TMEM132C: variants seen among roughly 807,000 people sequenced by gnomAD.
TMEM132C encodes transmembrane protein 132C.
A neutral mutation model predicts 61.4 loss-of-function variants in TMEM132C; 29 were observed. The observed-to-expected ratio is 0.47, with a 90% CI of 0.35 to 0.64. The LOEUF is 0.64. TMEM132C is among the 30% of genes least tolerant of loss of function. The pLI is 0.00. For missense variants in TMEM132C, 1,408 were observed against 1,476.9 expected, an observed-to-expected ratio of 0.95 and a Z score of 0.76; for synonymous variants, 656 against 633.1, an observed-to-expected ratio of 1.04 and a Z score of -0.54.
intron 1 of TMEM132C, among the ~76,000 whole-genome samples, chr12:128,290,012 C>T (rs955090960): frequency 7.2e-5 from 11 of 152,100 alleles, no homozygotes; most frequent in African/African-American, 4.8e-5. Flanking sequence ...CTCTGGATTG[C>T]GTGCCCTATC....
chr12:128,302,072 A>G (rs556709234), intron 1 of TMEM132C, among the ~76,000 whole-genome samples: 76 of 152,310 alleles, frequency 5.0e-4, no homozygotes, highest in African/African-American at 1.8e-3. Flanking sequence ...TATGGGAGCT[A>G]CAATTCAAGA....
At chr12:128,393,861 G>A (rs75742930) in intron 1 of TMEM132C, among the ~76,000 whole-genome samples, 2,612 of 152,356 alleles carry the variant, frequency 0.017, 77 homozygotes, top group African/African-American at 0.059. Context: ...CTTTTAAGGT[G>A]CTATCCTTGA....
chr12:128,676,540 T>G (rs994783582), intron 5 of TMEM132C, among the ~76,000 whole-genome samples: 12 of 152,234 alleles, frequency 7.9e-5, no homozygotes, highest in African/African-American at 2.4e-4. Context: ...AGAGAATCAT[T>G]GTAAACATTT....
chr12:128,597,217 C>T (rs554733459), intron 3 of TMEM132C, among the ~76,000 whole-genome samples: 3 of 152,252 alleles, frequency 2.0e-5, no homozygotes, highest in Admixed American at 2.0e-4. Context: ...CAGTGGGTCA[C>T]GTCTGTAATC....
At chr12:128,462,348 C>G (rs1870561236) in intron 2 of TMEM132C, among the ~76,000 whole-genome samples, 1 of 152,142 alleles carries the variant, frequency 6.6e-6, no homozygotes, top group African/African-American at 2.4e-5. Context: ...CTCAGGGGAT[C>G]CGCTGGCCTC....
At chr12:128,468,045 G>A (rs988056355) in intron 2 of TMEM132C, among the ~76,000 whole-genome samples, 1 of 152,216 alleles carries the variant, frequency 6.6e-6, no homozygotes, top group Non-Finnish European at 1.5e-5. Flanking sequence ...ACCATAGGGA[G>A]TAGAGGGCAG....
intron 2 of TMEM132C, among the ~76,000 whole-genome samples, chr12:128,430,214 A>G (rs1164911227): frequency 6.6e-6 from 1 of 152,200 alleles, no homozygotes; most frequent in African/African-American, 2.4e-5. Flanking sequence ...TTCGCTTCGT[A>G]TGACACAGTG....
At chr12:128,419,575 GTTTTTTTT>G (rs72349303) in intron 2 of TMEM132C, among the ~76,000 whole-genome samples, 2 of 136,196 alleles carry the variant, frequency 1.5e-5, no homozygotes, top group African/African-American at 5.6e-5. Flanking sequence ...TACTAATCTT[GTTTTTTTT>G]TTTTTTTTGG....
intron 1 of TMEM132C, among the ~76,000 whole-genome samples, chr12:128,373,668 G>C (rs1045382390): frequency 1.3e-5 from 2 of 152,204 alleles, no homozygotes; most frequent in African/African-American, 4.8e-5. Flanking sequence ...ATCTCATGTT[G>C]TTGACTGCTA....
chr12:128,547,406 A>AG (rs1432321494), intron 3 of TMEM132C, among the ~76,000 whole-genome samples: 3 of 151,092 alleles, frequency 2.0e-5, no homozygotes, highest in African/African-American at 7.3e-5. Flanking sequence ...ATACAAAAAA[A>AG]AAAAAAAATT....
At chr12:128,511,992 C>T (rs1872579111) in intron 2 of TMEM132C, among the ~76,000 whole-genome samples, 2 of 152,206 alleles carry the variant, frequency 1.3e-5, no homozygotes, top group South Asian at 4.1e-4. Flanking sequence ...TGGCCTGACA[C>T]TCCCAAGGGC....
chr12:128,506,122 C>G (rs1872349881), intron 2 of TMEM132C, among the ~76,000 whole-genome samples: 2 of 152,198 alleles, frequency 1.3e-5, no homozygotes, highest in Non-Finnish European at 2.9e-5. Flanking sequence ...AGGACCCAAC[C>G]TCGCCGTCAT....
chr12:128,622,360 A>AAAAATATAT (rs1277080166), intron 4 of TMEM132C, among the ~76,000 whole-genome samples: 18 of 30,112 alleles, frequency 6.0e-4, no homozygotes, highest in African/African-American at 2.3e-3. Context: ...AAAAAAAAAA[A>AAAAATATAT]ATATATATAT....
intron 2 of TMEM132C, among the ~76,000 whole-genome samples, chr12:128,487,603 G>GTATATATATA (rs35552118): frequency 1.1e-3 from 152 of 136,640 alleles, no homozygotes; most frequent in Middle Eastern, 7.6e-3. Flanking sequence ...GTGTGTGTGG[G>GTATATATATA]TATATATATA....
At chr12:128,330,927 T>G (rs113260773) in intron 1 of TMEM132C, among the ~76,000 whole-genome samples, 1 of 152,130 alleles carries the variant, frequency 6.6e-6, no homozygotes, top group South Asian at 2.1e-4. Context: ...AAAGAGAGAA[T>G]AGCATAGTGA....
intron 2 of TMEM132C, among the ~76,000 whole-genome samples, chr12:128,469,634 G>GT (rs930600383): frequency 6.8e-6 from 1 of 146,988 alleles, no homozygotes. Context: ...CTTTGTGTGT[G>GT]TGTGTTTGTG....
intron 2 of TMEM132C, among the ~76,000 whole-genome samples, chr12:128,430,755 T>A (rs1174099714): frequency 1.3e-5 from 2 of 152,196 alleles, no homozygotes; most frequent in Non-Finnish European, 2.9e-5. Flanking sequence ...ATAGGTGATC[T>A]GTGATGTTAC....
chr12:128,521,612 T>A (rs544363214), intron 2 of TMEM132C, among the ~76,000 whole-genome samples: 1 of 152,244 alleles, frequency 6.6e-6, no homozygotes, highest in East Asian at 1.9e-4. Flanking sequence ...AGATGCTAAA[T>A]GTTAGAGACA....
intron 2 of TMEM132C, among the ~76,000 whole-genome samples, chr12:128,503,111 G>A (rs1228580008): frequency 6.6e-6 from 1 of 152,148 alleles, no homozygotes; most frequent in Non-Finnish European, 1.5e-5. Flanking sequence ...AACTCTCAAG[G>A]CCTTACTTTC....
Sources: gnomAD v4.1 joint callset for allele counts (sites outside exome capture counted in the v4.1 genomes callset) on GRCh38, gnomAD v4.1.1 for gene constraint, MANE v1.5 for transcripts, NCBI Gene and HGNC (gene_info 2026-07-23, HGNC 2026-07-21) for gene names.